The following PTPRK variants were observed in gnomAD, a reference collection of about 807,000 sequenced individuals.
PTPRK encodes the protein protein tyrosine phosphatase receptor type K.
Under a neutral mutation model 178.0 loss-of-function variants are expected in PTPRK, and 75 were observed. That is an observed-to-expected ratio of 0.42 (90% CI 0.35 to 0.51). The LOEUF is 0.51. Ranked by LOEUF, PTPRK falls within the 20% of genes least tolerant of loss-of-function variation. The pLI, the probability that PTPRK is intolerant of heterozygous loss-of-function variation, is 0.02. For synonymous variants in PTPRK, 637 were observed against 620.6 expected, an observed-to-expected ratio of 1.03 and a Z score of -0.39; for missense variants, 1,441 against 1,797.8, an observed-to-expected ratio of 0.80 and a Z score of 3.59.
chr6:128,002,743 A>T (rs2114697580), intron 15 of PTPRK, among the ~76,000 whole-genome samples: 1 of 152,052 alleles, frequency 6.6e-6, no homozygotes, highest in Admixed American at 6.6e-5. Context: ...TAAAGACAAA[A>T]GCTAGAGCAA....
At chr6:128,202,298 G>A (rs191446640) in intron 6 of PTPRK, among the ~76,000 whole-genome samples, 27 of 152,264 alleles carry the variant, frequency 1.8e-4, no homozygotes, top group African/African-American at 6.0e-4. Context: ...ACCCTGCCCC[G>A]GGGAAACCAC....
At chr6:128,473,205 G>A (rs771387851) in intron 1 of PTPRK, among the ~76,000 whole-genome samples, 49 of 151,874 alleles carry the variant, frequency 3.2e-4, no homozygotes, top group Admixed American at 1.6e-3. Context: ...TATAGGCCAG[G>A]TATTTTTTTA....
chr6:128,397,237 T>A (rs117644881), intron 2 of PTPRK, among the ~76,000 whole-genome samples: 2 of 152,216 alleles, frequency 1.3e-5, no homozygotes, highest in African/African-American at 2.4e-5. Context: ...AAAGAGCTGA[T>A]CCCACATTTG....
chr6:128,206,567 T>C (rs1807014543), intron 6 of PTPRK, among the ~76,000 whole-genome samples: 1 of 152,120 alleles, frequency 6.6e-6, no homozygotes, highest in African/African-American at 2.4e-5. Flanking sequence ...TAAAAATATA[T>C]AGGCAGATAA....
Position 128,500,206 on chromosome 6 carries a change from C to T in PTPRK, c.100+20053G>A, listed in dbSNP as rs1007723032. Among the ~76,000 whole-genome samples the T allele has an allele frequency of 5.9e-5, 9 of 152,056 alleles. 1 individual carries two copies. The highest frequency in any genetic ancestry group is 2.9e-5 in the Non-Finnish European group (2 of 68,006). On this transcript the variant is annotated intron_variant, in intron 1 of 29. Coordinates refer to ENST00000368226, the MANE Select transcript of PTPRK (RefSeq NM_002844.4). ...TCATCAGGCTGCAGTGAAGGAGTGGCTAAATATAGTGAGACATGAACTAAA... is the reference window on the plus strand; with the variant it reads ...TCATCAGGCTGCAGTGAAGGAGTGGTTAAATATAGTGAGACATGAACTAAA...
chr6:128,157,769 C>G (rs1221649282), intron 7 of PTPRK, among the ~76,000 whole-genome samples: 1 of 151,942 alleles, frequency 6.6e-6, no homozygotes, highest in Non-Finnish European at 1.5e-5. Flanking sequence ...TATCCTTCAC[C>G]CACTTTTTGA....
chr6:127,990,662 A>G, intron 21 of PTPRK, 107 bp downstream of exon 21: 1 of 705,030 alleles, frequency 1.4e-6, no homozygotes, highest in South Asian at 1.9e-5. Context: ...GAATGAATAC[A>G]TGAATGAATG....
chr6:128,246,152 G>GA (rs561985589), intron 3 of PTPRK, among the ~76,000 whole-genome samples: 1 of 152,150 alleles, frequency 6.6e-6, no homozygotes, highest in Non-Finnish European at 1.5e-5. Context: ...AGAAGTTACA[G>GA]AAAAAAAGTT....
intron 6 of PTPRK, among the ~76,000 whole-genome samples, chr6:128,205,058 T>C (rs140352648): frequency 3.3e-4 from 51 of 152,308 alleles, no homozygotes; most frequent in Admixed American, 1.3e-3. Flanking sequence ...GTGGTACATG[T>C]ATACCATGAA....
At chr6:128,318,510 C>G (rs570498095) in intron 3 of PTPRK, among the ~76,000 whole-genome samples, 6 of 152,088 alleles carry the variant, frequency 3.9e-5, no homozygotes, top group African/African-American at 1.4e-4. Flanking sequence ...GAGAAAAAGG[C>G]ACTTTCTGCT....
At position 128,178,104 on chromosome 6, in the gene PTPRK, G is replaced by A. The variant is rs560313876; in HGVS notation, c.1162+6328C>T. Among the ~76,000 whole-genome samples the A allele has an allele frequency of 9.2e-5, 14 of 151,866 alleles. No homozygotes were observed. In the South Asian group the frequency reaches 1.9e-3, roughly 20 times the overall value. Reference sequence around the variant, plus strand: ...GGATAAGGCCATGGCTTTGTTCAACGGAAGCATTAAACCAACTCTGTTTAG... The same window carrying A: ...GGATAAGGCCATGGCTTTGTTCAACAGAAGCATTAAACCAACTCTGTTTAG... On this transcript the variant is annotated intron_variant, in intron 7 of 29. Transcript: ENST00000368226.
At chr6:128,453,608 T>A (rs117609845) in intron 1 of PTPRK, among the ~76,000 whole-genome samples, 2,518 of 152,240 alleles carry the variant, frequency 0.017, 29 homozygotes, top group Non-Finnish European at 0.027. Context: ...CTCCCAAAAC[T>A]CCCCTATAGA....
chr6:127,990,647 T>C, intron 21 of PTPRK, 122 bp downstream of exon 21: 1 of 658,752 alleles, frequency 1.5e-6, no homozygotes, highest in Non-Finnish European at 2.7e-6. Flanking sequence ...AAATAAACAT[T>C]TGTGGAATGA....
chr6:128,263,903 C>A (rs1252279947), intron 3 of PTPRK, among the ~76,000 whole-genome samples: 1 of 152,126 alleles, frequency 6.6e-6, no homozygotes, highest in African/African-American at 2.4e-5. Context: ...AAGTGAGAGA[C>A]CACCACCGTT....
At chr6:128,433,434 T>C (rs1248873509) in intron 1 of PTPRK, among the ~76,000 whole-genome samples, 1 of 152,216 alleles carries the variant, frequency 6.6e-6, no homozygotes, top group East Asian at 1.9e-4. Flanking sequence ...CGTCCATCCC[T>C]GCTGTTGCAA....
intron 7 of PTPRK, among the ~76,000 whole-genome samples, chr6:128,147,971 A>G (rs1796723291): frequency 6.6e-6 from 1 of 152,068 alleles, no homozygotes; most frequent in Non-Finnish European, 1.5e-5. Context: ...AATTTGTATG[A>G]TAGTAATGTG....
chr6:128,034,785 T>C (rs769988406), intron 13 of PTPRK, among the ~76,000 whole-genome samples: 5 of 152,190 alleles, frequency 3.3e-5, no homozygotes, highest in Non-Finnish European at 5.9e-5. Context: ...GACTGAAACA[T>C]CAATTGGTGT....
chr6:128,022,204 A>G (rs1773618590), intron 13 of PTPRK, among the ~76,000 whole-genome samples: 2 of 152,292 alleles, frequency 1.3e-5, no homozygotes, highest in South Asian at 2.1e-4. Flanking sequence ...TCTCAGAAGA[A>G]ATTAAGTGCC....
chr6:128,473,363 A>T (rs1254587687), intron 1 of PTPRK, among the ~76,000 whole-genome samples: 1 of 145,878 alleles, frequency 6.9e-6, no homozygotes, highest in African/African-American at 2.6e-5. Flanking sequence ...CCCCTCAGTG[A>T]TATTAATTTT....
Sources: gnomAD v4.1 joint callset for allele counts (sites outside exome capture counted in the v4.1 genomes callset) on GRCh38, gnomAD v4.1.1 for gene constraint, MANE v1.5 for transcripts, NCBI Gene and HGNC (gene_info 2026-07-23, HGNC 2026-07-21) for gene names.